BMAL2: variants seen among roughly 807,000 people sequenced by gnomAD.
BMAL2 encodes the protein basic helix-loop-helix ARNT like 2.
At chr12:27,415,909 G>C in the BMAL2 span, 1 of 1,608,204 alleles carries the variant, frequency 6.2e-7, no homozygotes. Context: ...GAGTCCAACA[G>C]GTTTAATGAA....
the BMAL2 span, among the ~76,000 whole-genome samples, chr12:27,358,455 T>C: frequency 6.6e-6 from 1 of 152,186 alleles, no homozygotes; most frequent in African/African-American, 2.4e-5. Context: ...GAATGTAAAC[T>C]AGTACAACCA....
At chr12:27,396,693 T>C in the BMAL2 span, among the ~76,000 whole-genome samples, 2 of 152,196 alleles carry the variant, frequency 1.3e-5, no homozygotes, top group East Asian at 3.8e-4. Flanking sequence ...GAGGCAAATA[T>C]CTTTTCAAAA....
At chr12:27,339,857 T>C in the BMAL2 span, among the ~76,000 whole-genome samples, 1 of 152,190 alleles carries the variant, frequency 6.6e-6, no homozygotes, top group Non-Finnish European at 1.5e-5. Context: ...ATCAGTGATG[T>C]TGAGCTTTTT....
the BMAL2 span, among the ~76,000 whole-genome samples, chr12:27,378,679 G>A: frequency 1.3e-5 from 2 of 152,130 alleles, no homozygotes; most frequent in African/African-American, 4.8e-5. Context: ...GAAATGCAGT[G>A]AATAGTTTTA....
chr12:27,368,534 C>T, the BMAL2 span: 1 of 1,201,882 alleles, frequency 8.3e-7, no homozygotes, highest in Non-Finnish European at 1.2e-6. Context: ...TGGGAGAGTA[C>T]TTATCCACCC....
At chr12:27,350,954 A>G in the BMAL2 span, among the ~76,000 whole-genome samples, 5 of 147,084 alleles carry the variant, frequency 3.4e-5, no homozygotes, top group African/African-American at 1.3e-4. Context: ...TGCTAGGATT[A>G]CAGGCATGAG....
chr12:27,368,376 C>T, the BMAL2 span: 2 of 1,614,090 alleles, frequency 1.2e-6, no homozygotes, highest in South Asian at 2.2e-5. Context: ...ACAGAGTTTC[C>T]ACGAAAACGC....
At chr12:27,388,726 AGGTATTCT>A in the BMAL2 span, among the ~76,000 whole-genome samples, 1 of 151,882 alleles carries the variant, frequency 6.6e-6, no homozygotes, top group South Asian at 2.1e-4. Context: ...GGGAAGTGAG[AGGTATTCT>A]GGGTTGGATT....
the BMAL2 span, among the ~76,000 whole-genome samples, chr12:27,334,045 T>A: frequency 2.0e-5 from 3 of 152,198 alleles, no homozygotes. Flanking sequence ...AATAAGATGA[T>A]AGAGTTTTAG....
chr12:27,339,171 C>T, the BMAL2 span, among the ~76,000 whole-genome samples: 1 of 152,108 alleles, frequency 6.6e-6, no homozygotes, highest in Non-Finnish European at 1.5e-5. Flanking sequence ...TCCATGTGTT[C>T]TCATCATTTA....
the BMAL2 span, among the ~76,000 whole-genome samples, chr12:27,376,846 A>G: frequency 6.6e-6 from 1 of 151,778 alleles, no homozygotes; most frequent in Non-Finnish European, 1.5e-5. Flanking sequence ...TAAAAATACA[A>G]AAAATTAGCC....
At chr12:27,411,278 C>T in the BMAL2 span, among the ~76,000 whole-genome samples, 102 of 152,030 alleles carry the variant, frequency 6.7e-4, no homozygotes, top group African/African-American at 2.2e-3. Flanking sequence ...CAGGGGCACA[C>T]CACCACACCT....
chr12:27,354,945 A>G, the BMAL2 span, among the ~76,000 whole-genome samples: 1 of 152,214 alleles, frequency 6.6e-6, no homozygotes, highest in Admixed American at 6.5e-5. Context: ...AGATGTTTTT[A>G]TAATTCAGTG....
the BMAL2 span, among the ~76,000 whole-genome samples, chr12:27,385,025 A>G: frequency 6.6e-6 from 1 of 152,230 alleles, no homozygotes. Flanking sequence ...GAAGAAAGAA[A>G]ATGATTAGCT....
At chr12:27,411,234 C>G in the BMAL2 span, among the ~76,000 whole-genome samples, 1 of 151,974 alleles carries the variant, frequency 6.6e-6, no homozygotes, top group East Asian at 1.9e-4. Flanking sequence ...CTCAAGCGAT[C>G]CTCCTGCCTC....
At chr12:27,367,996 A>G in the BMAL2 span, among the ~76,000 whole-genome samples, 1 of 151,322 alleles carries the variant, frequency 6.6e-6, no homozygotes, top group Non-Finnish European at 1.5e-5. Flanking sequence ...AGATGCCCAC[A>G]TTGTGCCTGG....
the BMAL2 span, among the ~76,000 whole-genome samples, chr12:27,377,238 T>C: frequency 6.6e-6 from 1 of 152,214 alleles, no homozygotes; most frequent in Non-Finnish European, 1.5e-5. Context: ...TGATGAAGTA[T>C]TAAGCAGAGA....
At chr12:27,335,066 C>T in the BMAL2 span, among the ~76,000 whole-genome samples, 2 of 152,336 alleles carry the variant, frequency 1.3e-5, no homozygotes, top group African/African-American at 2.4e-5. Flanking sequence ...AAAAATAGAA[C>T]GCTCAACGAA....
the BMAL2 span, among the ~76,000 whole-genome samples, chr12:27,357,065 C>T: frequency 2.6e-5 from 4 of 152,100 alleles, no homozygotes; most frequent in Non-Finnish European, 2.9e-5. Context: ...CCATCCAGGT[C>T]GCTGCAAATG....
Sources: gnomAD v4.1 joint callset for allele counts (sites outside exome capture counted in the v4.1 genomes callset) on GRCh38, gnomAD v4.1.1 for gene constraint, MANE v1.5 for transcripts, NCBI Gene and HGNC (gene_info 2026-07-23, HGNC 2026-07-21) for gene names.